The following PDE6C variants were observed in gnomAD, a reference collection of about 807,000 sequenced individuals.
The protein encoded by PDE6C is phosphodiesterase 6C.
Under a neutral mutation model 113.1 loss-of-function variants are expected in PDE6C, and 75 were observed. That is an observed-to-expected ratio of 0.66 (90% CI 0.55 to 0.80). The LOEUF (loss-of-function observed/expected upper bound fraction) is 0.80. Ranked by LOEUF, PDE6C falls within the 30% of genes least tolerant of loss-of-function variation. PDE6C has a pLI of 0.00. For missense variants in PDE6C, 912 were observed against 1,038.6 expected, an observed-to-expected ratio of 0.88 and a Z score of 1.67; for synonymous variants, 375 against 363.7, an observed-to-expected ratio of 1.03 and a Z score of -0.35.
chr10:93,630,311 C>T (rs1352544474), intron 8 of PDE6C, among the ~76,000 whole-genome samples: 5 of 151,770 alleles, frequency 3.3e-5, no homozygotes, highest in African/African-American at 9.7e-5. Flanking sequence ...GCTGCAGACC[C>T]GAGTTGATCC....
At chr10:93,644,780 GTATA>G (rs138885149) in intron 14 of PDE6C, among the ~76,000 whole-genome samples, 1 of 142,972 alleles carries the variant, frequency 7.0e-6, no homozygotes, top group Admixed American at 7.2e-5. Context: ...TGTGGTGCGT[GTATA>G]TATATATATA....
intron 16 of PDE6C, among the ~76,000 whole-genome samples, chr10:93,657,476 G>A (rs1288547839): frequency 1.3e-5 from 2 of 151,248 alleles, no homozygotes; most frequent in Non-Finnish European, 2.9e-5. Context: ...GAGCCACCTC[G>A]CCCAACCTGT....
intron 8 of PDE6C, among the ~76,000 whole-genome samples, chr10:93,630,398 C>T (rs1589696280): frequency 6.7e-6 from 1 of 149,244 alleles, no homozygotes; most frequent in Middle Eastern, 3.5e-3. Flanking sequence ...CCAACTGTCA[C>T]CCCCCACCTG....
intron 3 of PDE6C, 109 bp from the exon 4 acceptor site, chr10:93,621,823 G>T (rs41303821): frequency 0.014 from 13,990 of 988,678 alleles, 149 homozygotes; most frequent in Non-Finnish European, 0.018. Flanking sequence ...ACTTTCCAAT[G>T]ATATGCATTT....
chr10:93,645,906 AC>A, intron 14 of PDE6C, 53 bp from the exon 15 acceptor site: 1 of 932,558 alleles, frequency 1.1e-6, no homozygotes, highest in Admixed American at 1.8e-5. Context: ...AATTGTATGA[AC>A]CTATGTGTAA....
intron 8 of PDE6C, among the ~76,000 whole-genome samples, chr10:93,633,827 G>A (rs971597562): frequency 6.6e-6 from 1 of 152,224 alleles, no homozygotes; most frequent in African/African-American, 2.4e-5. Context: ...AGGGAACAGT[G>A]AGGTAACATA....
chr10:93,620,529 T>C, intron 1 of PDE6C, 103 bp from the exon 2 acceptor site: 1 of 1,197,350 alleles, frequency 8.4e-7, no homozygotes, highest in Non-Finnish European at 1.2e-6. Flanking sequence ...CCTGGTTATC[T>C]GTTGGTAGCA....
At chr10:93,652,845 TG>T (rs2058615571) in intron 15 of PDE6C, among the ~76,000 whole-genome samples, 1 of 152,210 alleles carries the variant, frequency 6.6e-6, no homozygotes, top group Non-Finnish European at 1.5e-5. Flanking sequence ...CTGCACAATC[TG>T]ACACTTGGTA....
intron 8 of PDE6C, among the ~76,000 whole-genome samples, chr10:93,632,622 A>T (rs1201237389): frequency 2.0e-5 from 3 of 152,226 alleles, no homozygotes; most frequent in Non-Finnish European, 4.4e-5. Flanking sequence ...AAGCTTTAAC[A>T]AATACGCATG....
chr10:93,649,430 A>G lies in PDE6C; in HGVS notation c.1935+3383A>G, dbSNP rs2058599491. Reference sequence around the variant, plus strand: ...TAAATTGCTTCAAATCCTACCATCCAGAAACCGATATTTCATTAACGTCTA... The same window carrying G: ...TAAATTGCTTCAAATCCTACCATCCGGAAACCGATATTTCATTAACGTCTA... On this transcript the variant is annotated intron_variant, in intron 15 of 21. Coordinates refer to ENST00000371447, the MANE Select transcript of PDE6C (RefSeq NM_006204.4). Among the ~76,000 whole-genome samples the G allele has an allele frequency of 2.0e-5, 3 of 152,224 alleles. No homozygotes were observed. The South Asian group carries it at 6.2e-4, about 31-fold the overall frequency.
At chr10:93,636,343 C>G (rs980341940) in intron 10 of PDE6C, among the ~76,000 whole-genome samples, 13 of 147,362 alleles carry the variant, frequency 8.8e-5, no homozygotes, top group Non-Finnish European at 1.5e-4. Flanking sequence ...TGCCCACCAT[C>G]TCTATTTCTT....
chr10:93,627,017 C>G (rs185168715), intron 7 of PDE6C, 146 bp downstream of exon 7: 1 of 708,624 alleles, frequency 1.4e-6, no homozygotes, highest in Non-Finnish European at 2.4e-6. Flanking sequence ...AATCCCAGCA[C>G]TTTGGGAGGC....
intron 11 of PDE6C, among the ~76,000 whole-genome samples, chr10:93,639,313 C>T (rs1254746812): frequency 1.3e-5 from 2 of 152,346 alleles, no homozygotes; most frequent in East Asian, 3.9e-4. Context: ...TTACTTTTCA[C>T]TCGTATATAT....
intron 1 of PDE6C, among the ~76,000 whole-genome samples, chr10:93,614,671 A>G (rs2058411594): frequency 6.6e-6 from 1 of 152,158 alleles, no homozygotes; most frequent in Admixed American, 6.5e-5. Flanking sequence ...GATGGGTAAA[A>G]TGATTTCTGC....
chr10:93,659,699 T>A (rs1031430464), intron 18 of PDE6C, among the ~76,000 whole-genome samples: 1 of 152,290 alleles, frequency 6.6e-6, no homozygotes, highest in East Asian at 1.9e-4. Flanking sequence ...CGGGAAAGAT[T>A]TGTCCCCATG....
intron 11 of PDE6C, among the ~76,000 whole-genome samples, chr10:93,638,810 A>G (rs1216809305): frequency 6.6e-5 from 10 of 152,174 alleles, no homozygotes; most frequent in Admixed American, 6.5e-4. Flanking sequence ...GGGAAGGCTC[A>G]GCTGATTTTC....
intron 2 of PDE6C, 50 bp downstream of exon 2, chr10:93,620,834 T>C (rs758016647): frequency 1.2e-6 from 2 of 1,613,734 alleles, no homozygotes; most frequent in East Asian, 2.2e-5. Flanking sequence ...ATTTATTTGT[T>C]GTATAACCAA....
At chr10:93,621,498 G>A (rs1221714599) in intron 3 of PDE6C, among the ~76,000 whole-genome samples, 3 of 152,108 alleles carry the variant, frequency 2.0e-5, no homozygotes, top group Non-Finnish European at 2.9e-5. Context: ...TGAGAGGGAG[G>A]TCCCTTCCCG....
chr10:93,635,378 A>G (rs1285477400), intron 9 of PDE6C, 119 bp from the exon 10 acceptor site: 1 of 767,896 alleles, frequency 1.3e-6, no homozygotes, highest in African/African-American at 1.7e-5. Context: ...TTAAATTAAA[A>G]GAAGGAATGG....
Sources: allele counts gnomAD v4.1 joint callset (sites outside exome capture counted in the v4.1 genomes callset), GRCh38; gene constraint gnomAD v4.1.1; transcripts MANE v1.5; gene names NCBI Gene and HGNC (gene_info 2026-07-23, HGNC 2026-07-21).